The following SPOCK3 variants were observed in gnomAD, a reference collection of about 807,000 sequenced individuals.
SPOCK3 encodes the protein SPARC (osteonectin), cwcv and kazal like domains proteoglycan 3.
Under a neutral mutation model 56.6 loss-of-function variants are expected in SPOCK3, and 30 were observed. That is an observed-to-expected ratio of 0.53 (90% CI 0.40 to 0.72). SPOCK3 has a LOEUF of 0.72. Among genes scored for constraint, SPOCK3 ranks in the 30% least tolerant of loss-of-function variants. The probability of loss-of-function intolerance (pLI) is 0.00; values close to 1 mark genes in which losing one functional copy is unlikely to be tolerated. For synonymous variants in SPOCK3, 196 were observed against 183.3 expected (o/e 1.07, Z -0.56); for missense variants, 527 against 530.0 (o/e 0.99, Z 0.06).
At chr4:166,816,553 CCTT>C (rs1207884098) in intron 6 of SPOCK3, among the ~76,000 whole-genome samples, 1 of 151,450 alleles carries the variant, frequency 6.6e-6, no homozygotes, top group Admixed American at 6.6e-5. Context: ...TGTTTTTTTT[CCTT>C]CAAGGACAAG....
chr4:166,917,673 A>T (rs559198199), intron 4 of SPOCK3, among the ~76,000 whole-genome samples: 64 of 152,184 alleles, frequency 4.2e-4, no homozygotes, highest in Middle Eastern at 3.4e-3. Context: ...TGGTTTTATA[A>T]GTGTTTGGAA....
chr4:167,024,874 TAA>T (rs1389976760), intron 3 of SPOCK3, among the ~76,000 whole-genome samples: 5 of 152,048 alleles, frequency 3.3e-5, no homozygotes, highest in Non-Finnish European at 5.9e-5. Context: ...TAAAAATTTT[TAA>T]AAGAGTCCTT....
rs527684912 is a variant in SPOCK3 at position 167,192,296 on chromosome 4, C to T, written c.189+41689G>A. Among the ~76,000 whole-genome samples the T allele has an allele frequency of 8.9e-5, 13 of 145,462 alleles. 1 individual carries two copies. The highest frequency in any genetic ancestry group is 2.9e-4 in the African/African-American group (11 of 38,206). ...TATTACGCCTCATAATATTCCAACC[C>T]GATAATATGAATTTGGAAGTGTTCT... On this transcript the variant is annotated intron_variant, in intron 2 of 10. Coordinates refer to ENST00000357545, the MANE Select transcript of SPOCK3 (RefSeq NM_001040159.2).
intron 6 of SPOCK3, chr4:166,883,293 CTG>C (rs1733858074): frequency 6.6e-6 from 1 of 152,110 alleles, no homozygotes; most frequent in African/African-American, 2.4e-5. Context: ...GAAAAAATGA[CTG>C]TGTCAGATTA....
At chr4:167,153,134 G>T (rs997509108) in intron 2 of SPOCK3, among the ~76,000 whole-genome samples, 1 of 152,114 alleles carries the variant, frequency 6.6e-6, no homozygotes, top group Non-Finnish European at 1.5e-5. Context: ...AGTAAGGTGA[G>T]ATAACTTGCC....
intron 4 of SPOCK3, among the ~76,000 whole-genome samples, chr4:166,919,336 C>A (rs1405481716): frequency 1.3e-5 from 2 of 152,048 alleles, no homozygotes; most frequent in Non-Finnish European, 2.9e-5. Flanking sequence ...TAATGAGCAC[C>A]AATTTCTTTG....
At chr4:166,745,782 G>C (rs530462069) in intron 8 of SPOCK3, among the ~76,000 whole-genome samples, 3 of 152,220 alleles carry the variant, frequency 2.0e-5, no homozygotes, top group African/African-American at 7.2e-5. Flanking sequence ...CAAAATAAAG[G>C]GATGGAGGAA....
At chr4:166,954,656 G>A (rs1329028112) in intron 4 of SPOCK3, among the ~76,000 whole-genome samples, 1 of 152,048 alleles carries the variant, frequency 6.6e-6, no homozygotes, top group East Asian at 1.9e-4. Context: ...CTAGTCCATT[G>A]GTCTGTGTTT....
chr4:166,800,183 G>GAAAAAAAAAAAAAAAAA (rs367811359), intron 6 of SPOCK3, among the ~76,000 whole-genome samples: 87 of 51,762 alleles, frequency 1.7e-3, no homozygotes, highest in East Asian at 7.0e-3. Context: ...CTCCATCTCA[G>GAAAAAAAAAAAAAAAAA]AAAAAAAAAA....
At chr4:167,092,404 C>T (rs958272046) in intron 2 of SPOCK3, among the ~76,000 whole-genome samples, 9 of 152,148 alleles carry the variant, frequency 5.9e-5, no homozygotes, top group East Asian at 5.8e-4. Flanking sequence ...TCACCTCACA[C>T]GCTCCTGGCA....
intron 5 of SPOCK3, among the ~76,000 whole-genome samples, chr4:166,908,587 A>G (rs1736890904): frequency 6.6e-6 from 1 of 151,626 alleles, no homozygotes; most frequent in African/African-American, 2.4e-5. Flanking sequence ...ACTAATTTCT[A>G]AGGAATTCAT....
chr4:166,843,590 T>C (rs1264169775), intron 6 of SPOCK3, among the ~76,000 whole-genome samples: 7 of 152,094 alleles, frequency 4.6e-5, no homozygotes, highest in Non-Finnish European at 8.8e-5. Context: ...CTGCCAACCA[T>C]CTGGGAGCTT....
At chr4:166,829,290 C>T (rs186764350) in intron 6 of SPOCK3, among the ~76,000 whole-genome samples, 53 of 152,060 alleles carry the variant, frequency 3.5e-4, no homozygotes, top group African/African-American at 1.1e-3. Context: ...ATAAAGACTA[C>T]CTTTGTAAAG....
In SPOCK3 at chr4:166,771,305, G is replaced by T. The variant is rs79181345; in HGVS notation, c.710-16576C>A. ...TCAGCATTTGTTGCTTCATCATCCTGATGACTCTTGTAACACACTTTTGTT... is the reference window on the plus strand; with the variant it reads ...TCAGCATTTGTTGCTTCATCATCCTTATGACTCTTGTAACACACTTTTGTT... On this transcript the variant is annotated intron_variant, in intron 7 of 10. Coordinates refer to ENST00000357545, the MANE Select transcript of SPOCK3 (RefSeq NM_001040159.2). Among the ~76,000 whole-genome samples, 527 of 151,884 alleles carry T rather than the reference G, an allele frequency of 3.5e-3. 24 individuals are homozygous for T. In the East Asian group the frequency reaches 0.086, roughly 25 times the overall value.
At chr4:166,794,694 A>T (rs1174378970) in intron 6 of SPOCK3, among the ~76,000 whole-genome samples, 1 of 124,628 alleles carries the variant, frequency 8.0e-6, no homozygotes, top group African/African-American at 3.2e-5. Context: ...CCATGCTGGG[A>T]TGCAGAGGCA....
rs79539102 is a variant in SPOCK3, at chr4:166,912,414, T to C, written c.474+206A>G. Among the ~76,000 whole-genome samples the C allele has an allele frequency of 1.3e-4, 20 of 152,286 alleles. No individual in the cohort carries two copies. The East Asian group carries it at 2.7e-3, about 21-fold the overall frequency. On this transcript the variant is annotated intron_variant, in intron 5 of 10. Transcript: ENST00000357545. ...GTTGGCTTTGATATCTGAGGGTTCA[T>C]AGCTTTAGTATTTCAAACCTTAAAA... is the stretch of plus-strand genomic sequence containing the variant.
chr4:167,051,783 G>C (rs1754226414), intron 3 of SPOCK3, among the ~76,000 whole-genome samples: 1 of 152,218 alleles, frequency 6.6e-6, no homozygotes, highest in African/African-American at 2.4e-5. Flanking sequence ...CCTGTCAAAA[G>C]AGCAGTGGTT....
intron 3 of SPOCK3, among the ~76,000 whole-genome samples, chr4:167,055,245 T>G (rs772774276): frequency 3.3e-5 from 5 of 152,164 alleles, no homozygotes; most frequent in Non-Finnish European, 7.4e-5. Flanking sequence ...AAACTAAAAA[T>G]GCTCACAAAA....
At chr4:166,843,314 C>T (rs970651440) in intron 6 of SPOCK3, among the ~76,000 whole-genome samples, 3 of 152,180 alleles carry the variant, frequency 2.0e-5, no homozygotes, top group African/African-American at 7.2e-5. Context: ...TGAGAGCGAG[C>T]GACGGCCACC....
Sources: allele counts gnomAD v4.1 joint callset (sites outside exome capture counted in the v4.1 genomes callset), GRCh38; gene constraint gnomAD v4.1.1; transcripts MANE v1.5; gene names NCBI Gene and HGNC (gene_info 2026-07-23, HGNC 2026-07-21).